The following ZNF679 variants were observed in gnomAD, a reference collection of about 807,000 sequenced individuals.
The protein encoded by ZNF679 is hypothetical protein MGC42415.
In ZNF679, 10 loss-of-function variants were observed where a neutral mutation model predicts 13.4. The observed-to-expected ratio is 0.75, with a 90% CI of 0.46 to 1.27. The LOEUF is 1.27. Ranked by LOEUF, ZNF679 falls within the 50% of genes most tolerant of loss-of-function variation. ZNF679 has a pLI of 0.00. For missense variants in ZNF679, 525 were observed against 477.8 expected, an observed-to-expected ratio of 1.10 and a Z score of -0.92; for synonymous variants, 179 against 162.5, an observed-to-expected ratio of 1.10 and a Z score of -0.77.
Position 64,249,010 on chromosome 7 carries a change from G to A in ZNF679, c.-90-18G>A. 1 of 1,531,406 alleles carries A rather than the reference G, an allele frequency of 6.5e-7. No individual in the cohort carries two copies. The highest frequency in any genetic ancestry group is 1.9e-5 in the Admixed American group (1 of 52,344). The allele number at this position is 1,531,406 out of a possible 1,614,324, so 94.9% of individuals were successfully genotyped here. On this transcript the variant is annotated intron_variant, in intron 1 of 4. Coordinates refer to ENST00000421025, the MANE Select transcript of ZNF679 (RefSeq NM_153363.3). ...GCCTCCGTAATTTTCCGGGTCCTTT[G>A]TGTTTCTCTGCGTCCAGAGCTCCAG... is the stretch of plus-strand genomic sequence containing the variant.
intron 1 of ZNF679, among the ~76,000 whole-genome samples, chr7:64,248,600 A>T (rs529454165): frequency 1.6e-4 from 24 of 152,192 alleles, no homozygotes; most frequent in African/African-American, 5.5e-4. Context: ...ATTTGAGATG[A>T]GATTTGGGTG....
At chr7:64,259,607 AC>A (rs1788048035) in intron 2 of ZNF679, among the ~76,000 whole-genome samples, 1 of 152,160 alleles carries the variant, frequency 6.6e-6, no homozygotes, top group Non-Finnish European at 1.5e-5. Flanking sequence ...TGTATCTTCA[AC>A]TTTGCATAAA....
rs748649484 is a variant in ZNF679 at position 64,266,087 on chromosome 7, C to T, written c.454C>T (p.Gln152Ter). The change falls in exon 5 of 5, where the codon CAA becomes TAA. Residue 152 changes from glutamine (Q) to a stop codon, truncating the protein, a stop_gained. Coordinates refer to ENST00000421025, the MANE Select transcript of ZNF679 (RefSeq NM_153363.3). LOFTEE classifies it low-confidence loss of function (END_TRUNC). ...AGTTAACCAATGTTTGTCAACTACC[C>T]AAAACAAAATATTTCAGACTCATAA... Reference protein sequence around the residue: ...NEVNQCLSTTQNKIFQTHKCV... With the variant: ...NEVNQCLSTT The T allele has an allele frequency of 6.2e-6, 10 of 1,612,602 alleles. No individual in the cohort carries two copies. The Admixed American group carries it at 1.2e-4, about 19-fold the overall frequency.
chr7:64,246,220 C>T (rs1307841266), intron 1 of ZNF679, among the ~76,000 whole-genome samples: 2 of 152,188 alleles, frequency 1.3e-5, no homozygotes, highest in Non-Finnish European at 2.9e-5. Context: ...TTAGGAGACA[C>T]TCTAACTCCC....
chr7:64,251,553 CATCTT>C (rs1334991881), intron 2 of ZNF679, among the ~76,000 whole-genome samples: 1 of 152,192 alleles, frequency 6.6e-6, no homozygotes, highest in Admixed American at 6.5e-5. Context: ...CAAGCTCAGA[CATCTT>C]ATCATAATGC....
At chr7:64,231,264 G>C (rs1261609636) in intron 1 of ZNF679, among the ~76,000 whole-genome samples, 2 of 152,178 alleles carry the variant, frequency 1.3e-5, no homozygotes, top group Non-Finnish European at 2.9e-5. Context: ...CCTGTGAGTT[G>C]GGCTTAAGTG....
At chr7:64,233,255 A>C (rs80253926) in intron 1 of ZNF679, among the ~76,000 whole-genome samples, 9 of 74,886 alleles carry the variant, frequency 1.2e-4, no homozygotes, top group East Asian at 4.3e-4. Flanking sequence ...CAAATAAACA[A>C]AAAAAAAAAA....
At chr7:64,230,316 G>A (rs1006435086) in intron 1 of ZNF679, among the ~76,000 whole-genome samples, 6 of 152,202 alleles carry the variant, frequency 3.9e-5, no homozygotes, top group African/African-American at 1.4e-4. Flanking sequence ...GGTGGATCAT[G>A]AGGTCAGGAG....
At chr7:64,263,436 C>A (rs796912616) in intron 4 of ZNF679, among the ~76,000 whole-genome samples, 52 of 152,232 alleles carry the variant, frequency 3.4e-4, no homozygotes, top group African/African-American at 1.2e-3. Context: ...ACAGAACATA[C>A]CAGGTGCAAA....
chr7:64,237,349 G>C (rs568214788), intron 1 of ZNF679, among the ~76,000 whole-genome samples: 1 of 152,198 alleles, frequency 6.6e-6, no homozygotes, highest in Non-Finnish European at 1.5e-5. Context: ...GGGTGCATGG[G>C]TGTGAGTGTG....
At chr7:64,235,781 C>A (rs954609060) in intron 1 of ZNF679, among the ~76,000 whole-genome samples, 1 of 125,358 alleles carries the variant, frequency 8.0e-6, no homozygotes. Context: ...AAGAGCGAAA[C>A]CCCGTCAAGA....
chr7:64,261,015 A>G (rs1055734261), intron 4 of ZNF679, 86 bp downstream of exon 4: 12 of 1,355,206 alleles, frequency 8.9e-6, no homozygotes, highest in Non-Finnish European at 1.2e-5. Context: ...TGATTTGGGG[A>G]GATGTGCTTC....
chr7:64,265,480 C>T (rs1788131888), intron 4 of ZNF679, among the ~76,000 whole-genome samples: 1 of 152,134 alleles, frequency 6.6e-6, no homozygotes, highest in Admixed American at 6.5e-5. Flanking sequence ...TTTGATTCAG[C>T]ACTTTCTATC....
chr7:64,234,536 A>G (rs1182870074), intron 1 of ZNF679, among the ~76,000 whole-genome samples: 1 of 152,206 alleles, frequency 6.6e-6, no homozygotes, highest in East Asian at 1.9e-4. Flanking sequence ...TACAACCATG[A>G]GGAATTGGAA....
intron 1 of ZNF679, among the ~76,000 whole-genome samples, chr7:64,242,368 T>A (rs759337581): frequency 6.6e-6 from 1 of 152,238 alleles, no homozygotes; most frequent in Non-Finnish European, 1.5e-5. Context: ...ACTCACCATC[T>A]GCTTCGAGAC....
intron 1 of ZNF679, among the ~76,000 whole-genome samples, chr7:64,235,025 A>G (rs1043222465): frequency 6.6e-6 from 1 of 152,050 alleles, no homozygotes; most frequent in African/African-American, 2.4e-5. Context: ...TTTTCTAGAG[A>G]CAGGGTTTCG....
chr7:64,252,000 C>T (rs1787949540), intron 2 of ZNF679, among the ~76,000 whole-genome samples: 1 of 152,192 alleles, frequency 6.6e-6, no homozygotes, highest in Non-Finnish European at 1.5e-5. Context: ...GAAGTAATTT[C>T]TGCCCTCTGG....
intron 1 of ZNF679, among the ~76,000 whole-genome samples, chr7:64,246,589 G>GGT (rs1787873864): frequency 6.6e-6 from 1 of 152,102 alleles, no homozygotes; most frequent in South Asian, 2.1e-4. Flanking sequence ...TGGGCATGGT[G>GGT]GTGTGCACCT....
Position 64,259,969 on chromosome 7 carries a change from CAT to C in ZNF679, c.40-251_40-250del, listed in dbSNP as rs1159488834. ...AGAAAAAAGAAAAGAAAAAAATAGACATGTGCATATTGATGCCCTTAATTTAA... is the reference window on the plus strand; with the variant it reads ...AGAAAAAAGAAAAGAAAAAAATAGACGTGCATATTGATGCCCTTAATTTAA... On this transcript the variant is annotated intron_variant, in intron 2 of 4. Transcript: ENST00000421025. Among the ~76,000 whole-genome samples the C allele has an allele frequency of 4.6e-5, 7 of 151,948 alleles. 1 individual carries two copies. In the South Asian group the frequency reaches 1.0e-3, roughly 23 times the overall value.
Sources: allele counts gnomAD v4.1 joint callset (sites outside exome capture counted in the v4.1 genomes callset), GRCh38; gene constraint gnomAD v4.1.1; transcripts MANE v1.5; gene names NCBI Gene and HGNC (gene_info 2026-07-23, HGNC 2026-07-21).